Variants in ZBTB16 observed in about 807,000 individuals in gnomAD.
ZBTB16 encodes zinc finger and BTB domain-containing protein 16.
A neutral mutation model predicts 56.8 loss-of-function variants in ZBTB16; 8 were observed. The observed-to-expected ratio is 0.14, with a 90% confidence interval of 0.08 to 0.25. ZBTB16 has a LOEUF of 0.25. Ranked by LOEUF, ZBTB16 falls within the 10% of genes least tolerant of loss-of-function variation. The pLI is 1.00. For missense variants in ZBTB16, 625 were observed against 903.0 expected (o/e 0.69, Z 3.95); for synonymous variants, 363 against 368.5 (o/e 0.98, Z 0.17).
chr11:114,125,675 GTCGGACC>G (rs753872368), intron 2 of ZBTB16, among the ~76,000 whole-genome samples: 1 of 152,070 alleles, frequency 6.6e-6, no homozygotes, highest in Non-Finnish European at 1.5e-5. Context: ...CCCCAGATCA[GTCGGACC>G]TCCTGGCCTC....
chr11:114,169,704 C>T (rs1335251418), intron 3 of ZBTB16, among the ~76,000 whole-genome samples: 1 of 152,178 alleles, frequency 6.6e-6, no homozygotes, highest in Non-Finnish European at 1.5e-5. Flanking sequence ...TTGAGCAAGG[C>T]TGGGTGTGCT....
intron 2 of ZBTB16, among the ~76,000 whole-genome samples, chr11:114,067,120 A>G: frequency 6.6e-6 from 1 of 152,132 alleles, no homozygotes; most frequent in East Asian, 1.9e-4. Flanking sequence ...TGCTGAATTA[A>G]TGAAGTAAGA....
At chr11:114,107,655 A>G (rs1940846126) in intron 2 of ZBTB16, among the ~76,000 whole-genome samples, 1 of 152,222 alleles carries the variant, frequency 6.6e-6, no homozygotes, top group African/African-American at 2.4e-5. Flanking sequence ...GGTGCGCAAC[A>G]TTGACTTTTT....
chr11:114,075,666 T>G (rs923354141), intron 2 of ZBTB16, among the ~76,000 whole-genome samples: 1 of 150,972 alleles, frequency 6.6e-6, no homozygotes, highest in African/African-American at 2.5e-5. Context: ...AGATGGGGTT[T>G]CGCCATGTTG....
At chr11:114,190,676 G>T (rs564809643) in intron 4 of ZBTB16, among the ~76,000 whole-genome samples, 6 of 151,936 alleles carry the variant, frequency 3.9e-5, no homozygotes, top group African/African-American at 1.2e-4. Flanking sequence ...ATATAAATGA[G>T]CTCTGCCAGT....
chr11:114,171,368 C>G (rs1942963026), intron 3 of ZBTB16, among the ~76,000 whole-genome samples: 1 of 152,202 alleles, frequency 6.6e-6, no homozygotes, highest in Non-Finnish European at 1.5e-5. Flanking sequence ...AACTCCACCC[C>G]CATCCAGAAT....
intron 4 of ZBTB16, among the ~76,000 whole-genome samples, chr11:114,214,014 T>C (rs1448173004): frequency 6.6e-6 from 1 of 152,250 alleles, no homozygotes; most frequent in Non-Finnish European, 1.5e-5. Context: ...GACATAAATC[T>C]GCTGGGGAGA....
intron 4 of ZBTB16, among the ~76,000 whole-genome samples, chr11:114,220,310 C>T (rs1021454680): frequency 2.0e-5 from 3 of 152,178 alleles, no homozygotes; most frequent in African/African-American, 7.2e-5. Flanking sequence ...TGAATAGCAG[C>T]CATTCAGGCC....
At chr11:114,081,325 A>G (rs1178239251) in intron 2 of ZBTB16, among the ~76,000 whole-genome samples, 1 of 152,182 alleles carries the variant, frequency 6.6e-6, no homozygotes, top group Non-Finnish European at 1.5e-5. Context: ...ACAATGCCCT[A>G]TGTTGGGGGT....
chr11:114,151,803 G>A (rs1357070477), intron 2 of ZBTB16, among the ~76,000 whole-genome samples: 2 of 152,214 alleles, frequency 1.3e-5, no homozygotes, highest in Non-Finnish European at 2.9e-5. Flanking sequence ...ATGGAAGTGG[G>A]CCGAGCTTAC....
chr11:114,119,264 CAAAAAAAAA>C (rs71063549), intron 2 of ZBTB16, among the ~76,000 whole-genome samples: 13 of 57,250 alleles, frequency 2.3e-4, no homozygotes, highest in East Asian at 6.9e-4. Context: ...AACTCTGTCT[CAAAAAAAAA>C]AAAAAAAAAA....
At chr11:114,159,581 T>C (rs553333880) in intron 3 of ZBTB16, among the ~76,000 whole-genome samples, 1 of 152,294 alleles carries the variant, frequency 6.6e-6, no homozygotes, top group African/African-American at 2.4e-5. Flanking sequence ...GACCATTTCC[T>C]GAATTGTTTG....
Position 114,249,080 on chromosome 11 carries a change from C to T in ZBTB16, c.1793-1246C>T, listed in dbSNP as rs1591815453. ...AACGCTAGGGTGTGGCTGTGCACTC[C>T]CAGGTTCTTTATCCCTCCCATCCCA... is the stretch of plus-strand genomic sequence containing the variant. On this transcript the variant is annotated intron_variant, in intron 6 of 6. Coordinates refer to ENST00000335953, the MANE Select transcript of ZBTB16 (RefSeq NM_006006.6). Among the ~76,000 whole-genome samples, 3 of 152,172 alleles carry T rather than the reference C, an allele frequency of 2.0e-5. No individual in the cohort carries two copies. In the East Asian group the frequency reaches 5.8e-4, roughly 30 times the overall value.
chr11:114,183,827 A>G (rs1002219657), intron 3 of ZBTB16, among the ~76,000 whole-genome samples: 1 of 152,244 alleles, frequency 6.6e-6, no homozygotes, highest in Non-Finnish European at 1.5e-5. Flanking sequence ...TTTCCAGTGT[A>G]AATGGATGAA....
chr11:114,127,602 C>T (rs1258322757), intron 2 of ZBTB16, among the ~76,000 whole-genome samples: 1 of 152,098 alleles, frequency 6.6e-6, no homozygotes, highest in Non-Finnish European at 1.5e-5. Context: ...GGGTAGGAGG[C>T]AGTGCCTGAT....
At chr11:114,222,383 C>T (rs992491467) in intron 4 of ZBTB16, among the ~76,000 whole-genome samples, 7 of 152,280 alleles carry the variant, frequency 4.6e-5, no homozygotes, top group Admixed American at 1.3e-4. Context: ...ATAAACACTA[C>T]GGCTTGTCTT....
At chr11:114,147,156 G>C (rs1017282379) in intron 2 of ZBTB16, among the ~76,000 whole-genome samples, 7 of 152,128 alleles carry the variant, frequency 4.6e-5, no homozygotes, top group Non-Finnish European at 7.4e-5. Context: ...ACATTAAAAA[G>C]GTTTTCAGAA....
At chr11:114,171,800 C>T (rs1037721262) in intron 3 of ZBTB16, among the ~76,000 whole-genome samples, 10 of 152,266 alleles carry the variant, frequency 6.6e-5, no homozygotes, top group African/African-American at 2.4e-4. Flanking sequence ...CTGCTTCCTT[C>T]CTCCATCTCA....
chr11:114,067,922 C>A (rs928641631), intron 2 of ZBTB16, among the ~76,000 whole-genome samples: 3 of 151,278 alleles, frequency 2.0e-5, no homozygotes, highest in Non-Finnish European at 4.4e-5. Context: ...CCCTCACCCT[C>A]AAAACTCCAG....
Sources: gnomAD v4.1 joint callset for allele counts (sites outside exome capture counted in the v4.1 genomes callset) on GRCh38, gnomAD v4.1.1 for gene constraint, MANE v1.5 for transcripts, NCBI Gene and HGNC (gene_info 2026-07-23, HGNC 2026-07-21) for gene names.